FBXO34: variants seen among roughly 807,000 people sequenced by gnomAD.
The protein encoded by FBXO34 is F-box only protein 34.
In FBXO34, 12 loss-of-function variants were observed where a neutral mutation model predicts 24.5. That is an observed-to-expected ratio of 0.49 (90% CI 0.31 to 0.79). The LOEUF is 0.79. Ranked by LOEUF, FBXO34 falls within the 30% of genes least tolerant of loss-of-function variation. The pLI, the probability that FBXO34 is intolerant of heterozygous loss-of-function variation, is 0.04. For missense variants in FBXO34, 823 were observed against 857.7 expected (o/e 0.96, Z 0.51); for synonymous variants, 320 against 311.9 (o/e 1.03, Z -0.27).
intron 1 of FBXO34, among the ~76,000 whole-genome samples, chr14:55,287,774 A>G (rs1881810558): frequency 6.6e-6 from 1 of 152,242 alleles, no homozygotes; most frequent in Non-Finnish European, 1.5e-5. Flanking sequence ...CTCATTAACA[A>G]CAGTTTTTGT....
Position 55,323,197 on chromosome 14 carries a change from A to T in FBXO34, c.-10-27184A>T, listed in dbSNP as rs1315655197. 7.4e-4 allele frequency among the ~76,000 whole-genome samples: 17 copies of T among 23,002 alleles called. 1 individual carries two copies. The highest frequency in any genetic ancestry group is 3.9e-3 in the East Asian group (3 of 772). The allele number at this position is 23,002 out of a possible 152,430, so 15.1% of individuals were successfully genotyped here. A position where few individuals can be genotyped will look rare whatever the true frequency, so the allele number is the denominator to read the frequency against. ...GAGACTCTGTCTCAAAAAAAAAAAAAAAAAAAAAAAAAAAAAAAAAAATAT... is the reference window on the plus strand; with the variant it reads ...GAGACTCTGTCTCAAAAAAAAAAAATAAAAAAAAAAAAAAAAAAAAAATAT... On this transcript the variant is annotated intron_variant, in intron 1 of 1. Coordinates refer to ENST00000313833, the MANE Select transcript of FBXO34 (RefSeq NM_017943.4).
At chr14:55,343,611 A>C (rs1275291176) in intron 1 of FBXO34, among the ~76,000 whole-genome samples, 1 of 152,046 alleles carries the variant, frequency 6.6e-6, no homozygotes, top group East Asian at 1.9e-4. Context: ...TCCTTTTTGG[A>C]ATTAGCATTC....
chr14:55,373,726 TG>T (rs1884866110), downstream of FBXO34, among the ~76,000 whole-genome samples: 1 of 151,994 alleles, frequency 6.6e-6, no homozygotes, highest in East Asian at 1.9e-4. Flanking sequence ...CCCAAAGTGC[TG>T]GGATTACAGG....
At chr14:55,372,853 T>G (rs1207829679), downstream of FBXO34, among the ~76,000 whole-genome samples, 1 of 152,148 alleles carries the variant, frequency 6.6e-6, no homozygotes, top group African/African-American at 2.4e-5. Flanking sequence ...CCCGGTGGAC[T>G]CCGGTTCTCT....
chr14:55,355,297 A>G (rs561362640), downstream of FBXO34: 5 of 152,318 alleles, frequency 3.3e-5, no homozygotes, highest in Admixed American at 3.3e-4. Context: ...AGGACTGTTC[A>G]AACCCTAAGC....
chr14:55,411,236 T>C, the FBXO34 span, among the ~76,000 whole-genome samples: 1 of 152,182 alleles, frequency 6.6e-6, no homozygotes, highest in African/African-American at 2.4e-5. Flanking sequence ...CTTTCGAAAA[T>C]AGAAAGCCAA....
chr14:55,339,632 A>G (rs190920465), intron 1 of FBXO34: 5 of 152,300 alleles, frequency 3.3e-5, no homozygotes, highest in African/African-American at 7.2e-5. Context: ...TTGGTGCCCA[A>G]TGATTGATTT....
At chr14:55,385,677 A>T in the FBXO34 span, among the ~76,000 whole-genome samples, 1 of 151,908 alleles carries the variant, frequency 6.6e-6, no homozygotes, top group Non-Finnish European at 1.5e-5. Context: ...CCCACCCCTC[A>T]CCTCGCTGCC....
intron 1 of FBXO34, among the ~76,000 whole-genome samples, chr14:55,340,761 G>C (rs772111180): frequency 6.6e-6 from 1 of 152,104 alleles, no homozygotes; most frequent in Non-Finnish European, 1.5e-5. Flanking sequence ...ATTAGTAGCT[G>C]TACTCTTATT....
intron 1 of FBXO34, among the ~76,000 whole-genome samples, chr14:55,319,360 C>G (rs899580429): frequency 6.6e-6 from 1 of 152,156 alleles, no homozygotes; most frequent in Admixed American, 6.5e-5. Context: ...TTTTAAAAAT[C>G]CAGTATACAG....
At chr14:55,432,061 A>G in the FBXO34 span, among the ~76,000 whole-genome samples, 4 of 152,194 alleles carry the variant, frequency 2.6e-5, no homozygotes, top group African/African-American at 9.7e-5. Context: ...GTAGAAAACA[A>G]AGAAAAAAAT....
At chr14:55,323,036 A>AAAAAAAAAAC (rs1883199099) in intron 1 of FBXO34, among the ~76,000 whole-genome samples, 1 of 141,476 alleles carries the variant, frequency 7.1e-6, no homozygotes, top group Non-Finnish European at 1.5e-5. Flanking sequence ...AAAAAAAAGC[A>AAAAAAAAAAC]AAAACGGGCA....
rs750178931 is a variant in FBXO34, at chr14:55,351,888, A to G, written c.1498A>G (p.Ser500Gly). ...HLSDYSQLNESTTKESSEASQ... is the reference protein window; with the variant it reads ...HLSDYSQLNEGTTKESSEASQ... The stretch of plus-strand genomic sequence containing the variant: ...GTCAGACTATTCCCAGTTGAATGAA[A>G]GCACAACAAAAGAGTCTTCAGAGGC... The change falls in exon 2 of 2, where the codon AGC (serine) becomes GGC (glycine). Residue 500 changes from serine (S) to glycine (G), a missense_variant. Ser to Gly is a moderately conservative substitution (Grantham distance 56, BLOSUM62 0). Transcript: ENST00000313833. 8.1e-5 allele frequency: 131 copies of G among 1,614,054 alleles called. 1 individual carries two copies. The highest frequency in any genetic ancestry group is 1.3e-5 in the African/African-American group (1 of 74,892).
chr14:55,380,249 AAACAAC>A, the FBXO34 span, among the ~76,000 whole-genome samples: 36 of 150,616 alleles, frequency 2.4e-4, no homozygotes, highest in Middle Eastern at 3.4e-3. Flanking sequence ...CTCTGTCTCA[AAACAAC>A]AACAACAACA....
At chr14:55,397,281 C>A in the FBXO34 span, 1 of 1,082,144 alleles carries the variant, frequency 9.2e-7, no homozygotes, top group African/African-American at 1.5e-5. Flanking sequence ...AGTAAGTTAG[C>A]AATCCGTATA....
At chr14:55,391,471 T>TAAAAAAAAAA in the FBXO34 span, among the ~76,000 whole-genome samples, 3 of 75,788 alleles carry the variant, frequency 4.0e-5, no homozygotes, top group Non-Finnish European at 8.9e-5. Flanking sequence ...TGAGACTCCA[T>TAAAAAAAAAA]AAAAAAAAAA....
At chr14:55,308,090 G>C (rs1231563341) in intron 1 of FBXO34, among the ~76,000 whole-genome samples, 1 of 152,204 alleles carries the variant, frequency 6.6e-6, no homozygotes, top group Non-Finnish European at 1.5e-5. Flanking sequence ...GTGTTGCCGT[G>C]TAAGAGTGAC....
the FBXO34 span, among the ~76,000 whole-genome samples, chr14:55,382,943 T>C: frequency 1.3e-5 from 2 of 152,256 alleles, no homozygotes; most frequent in African/African-American, 4.8e-5. Flanking sequence ...TACATTTTTA[T>C]GAAAAAACTT....
intron 1 of FBXO34, among the ~76,000 whole-genome samples, chr14:55,348,650 T>A (rs1260470944): frequency 6.6e-6 from 1 of 152,184 alleles, no homozygotes; most frequent in Non-Finnish European, 1.5e-5. Context: ...ATTATAGGTG[T>A]GAGCCACCAT....
Sources: allele counts gnomAD v4.1 joint callset (sites outside exome capture counted in the v4.1 genomes callset), GRCh38; gene constraint gnomAD v4.1.1; transcripts MANE v1.5; gene names NCBI Gene and HGNC (gene_info 2026-07-23, HGNC 2026-07-21).